The following SPIN1 variants were observed in gnomAD, a reference collection of about 807,000 sequenced individuals.
The protein encoded by SPIN1 is spindlin 1.
SPIN1 carries 3 observed loss-of-function variants against 26.0 expected under a neutral mutation model. That is an observed-to-expected ratio of 0.12 (90% CI 0.05 to 0.30). The LOEUF is 0.30. Among genes scored for constraint, SPIN1 ranks in the 10% least tolerant of loss-of-function variants. The pLI, the probability that SPIN1 is intolerant of heterozygous loss-of-function variation, is 1.00. For synonymous variants in SPIN1, 101 were observed against 116.5 expected, an observed-to-expected ratio of 0.87 and a Z score of 0.86; for missense variants, 126 against 333.4, an observed-to-expected ratio of 0.38 and a Z score of 4.84.
At chr9:88,422,401 A>T (rs569985781) in intron 1 of SPIN1, among the ~76,000 whole-genome samples, 2 of 152,324 alleles carry the variant, frequency 1.3e-5, no homozygotes, top group South Asian at 2.1e-4. Context: ...GTATATCTTT[A>T]AAAAAACCTG....
At chr9:88,456,128 C>T (rs556250606) in intron 3 of SPIN1, among the ~76,000 whole-genome samples, 3 of 152,144 alleles carry the variant, frequency 2.0e-5, no homozygotes, top group South Asian at 2.1e-4. Flanking sequence ...TGTGGACTCA[C>T]GGAACAATGG....
In SPIN1 at chr9:88,463,451, A is replaced by G. The variant is rs576580996; in HGVS notation, c.355+702A>G. On this transcript the variant is annotated intron_variant, in intron 4 of 5. Transcript: ENST00000375859. ...GCTCTTGTTTAAAATATTGGTTTAT[A>G]CTTTTAGAATTGTCTTTATAAGTCT... Among the ~76,000 whole-genome samples the G allele has an allele frequency of 1.1e-3, 173 of 152,322 alleles. 1 individual carries two copies. Among genetic ancestry groups the G allele is most frequent in the African/African-American group, 3.8e-3 (160 of 41,578 alleles).
intron 1 of SPIN1, among the ~76,000 whole-genome samples, chr9:88,405,683 A>T (rs1045083533): frequency 4.0e-5 from 6 of 151,486 alleles, no homozygotes; most frequent in South Asian, 2.1e-4. Context: ...AGCTGGGATT[A>T]CAAGTGTGAG....
Position 88,477,990 on chromosome 9 carries a change from GTTTTC to G in SPIN1, c.*2717_*2721del, listed in dbSNP as rs1828917957. The stretch of plus-strand genomic sequence containing the variant: ...ATGTTAAAGATATTTAGGTTTTTTT[GTTTTC>G]TTTATTTTTATTTGTTTTCAGTTTC... On this transcript the variant is annotated 3_prime_UTR_variant, in exon 6 of 6. Transcript: ENST00000375859. 2.0e-5 allele frequency: 3 copies of G among 151,840 alleles called. No individual in the cohort carries two copies. The highest frequency in any genetic ancestry group is 6.6e-5 in the Admixed American group (1 of 15,232). 9.4% of individuals were successfully genotyped at this position (151,840 alleles called of 1,614,324 possible).
chr9:88,458,636 GA>G (rs1053625003), intron 3 of SPIN1, among the ~76,000 whole-genome samples: 12 of 152,148 alleles, frequency 7.9e-5, no homozygotes, highest in Non-Finnish European at 1.5e-4. Flanking sequence ...TGGTTTTCTT[GA>G]AAATCAAGGG....
chr9:88,415,254 T>C (rs920854077), intron 1 of SPIN1, among the ~76,000 whole-genome samples: 2 of 152,144 alleles, frequency 1.3e-5, no homozygotes, highest in African/African-American at 4.8e-5. Flanking sequence ...CCTTCAGATA[T>C]CTACTTGGTA....
chr9:88,444,895 G>GTTA (rs1828213887), intron 2 of SPIN1, among the ~76,000 whole-genome samples: 1 of 149,404 alleles, frequency 6.7e-6, no homozygotes. Flanking sequence ...GTTTCACTGT[G>GTTA]TTATTAGCCA....
chr9:88,457,386 G>T (rs989764052), intron 3 of SPIN1, among the ~76,000 whole-genome samples: 1 of 151,990 alleles, frequency 6.6e-6, no homozygotes, highest in Admixed American at 6.6e-5. Flanking sequence ...AAAATTAGCC[G>T]GGTGTGGTGG....
At chr9:88,461,148 G>A (rs1195922016) in intron 3 of SPIN1, among the ~76,000 whole-genome samples, 4 of 152,122 alleles carry the variant, frequency 2.6e-5, no homozygotes, top group South Asian at 2.1e-4. Context: ...GAGACCTGCC[G>A]CCCTCATTTC....
chr9:88,446,530 C>G, intron 2 of SPIN1, among the ~76,000 whole-genome samples: 1 of 151,802 alleles, frequency 6.6e-6, no homozygotes, highest in Non-Finnish European at 1.5e-5. Context: ...CCTCAGCCTC[C>G]CGAGTAGCTG....
intron 1 of SPIN1, among the ~76,000 whole-genome samples, chr9:88,398,303 C>T (rs1332574631): frequency 6.6e-6 from 1 of 151,918 alleles, no homozygotes; most frequent in Non-Finnish European, 1.5e-5. Context: ...CCTCTTGGTG[C>T]TTATCAGAAT....
chr9:88,468,299 G>A (rs568619223), intron 4 of SPIN1, 73 bp from the exon 5 acceptor site: 25 of 1,141,970 alleles, frequency 2.2e-5, no homozygotes, highest in Admixed American at 6.2e-5. Context: ...GCCTTCTTTA[G>A]TAAATTCAGT....
chr9:88,391,354 A>G (rs1468196527), intron 1 of SPIN1: 1 of 166,700 alleles, frequency 6.0e-6, no homozygotes, highest in African/African-American at 2.4e-5. Context: ...AAGTACAAGA[A>G]TGACAGTTTA....
At chr9:88,460,372 A>G (rs1828555877) in intron 3 of SPIN1, among the ~76,000 whole-genome samples, 1 of 152,108 alleles carries the variant, frequency 6.6e-6, no homozygotes, top group African/African-American at 2.4e-5. Context: ...TTTGTTTGGT[A>G]GTTCTCACAT....
At chr9:88,441,447 A>G (rs917553502) in intron 2 of SPIN1, among the ~76,000 whole-genome samples, 2 of 104,878 alleles carry the variant, frequency 1.9e-5, no homozygotes, top group African/African-American at 1.4e-4. Context: ...GTGTACATAC[A>G]TTGTTGCTCA....
In SPIN1 at chr9:88,436,858, G is replaced by A. The variant is rs1245089227; in HGVS notation, c.52+10267G>A. On this transcript the variant is annotated intron_variant, in intron 2 of 5. Transcript: ENST00000375859. ...CGGCTCACTGCAAGCTCCGCCTCCCGGGTTCACGCCATTCTCCTGCCTCAG... is the reference window on the plus strand; with the variant it reads ...CGGCTCACTGCAAGCTCCGCCTCCCAGGTTCACGCCATTCTCCTGCCTCAG... Among the ~76,000 whole-genome samples the A allele has an allele frequency of 2.8e-4, 39 of 140,988 alleles. 1 individual carries two copies. The East Asian group carries it at 8.2e-3, about 30-fold the overall frequency. The allele number at this position is 140,988 out of a possible 152,430, so 92.5% of individuals were successfully genotyped here.
chr9:88,464,597 CT>C (rs1463397647), intron 4 of SPIN1, among the ~76,000 whole-genome samples: 5 of 152,178 alleles, frequency 3.3e-5, no homozygotes, highest in African/African-American at 1.2e-4. Context: ...TTCACTCTCT[CT>C]TTTTCTCAAT....
At chr9:88,423,431 GTTTT>G (rs1269543762) in intron 1 of SPIN1, among the ~76,000 whole-genome samples, 1 of 148,642 alleles carries the variant, frequency 6.7e-6, no homozygotes, top group Non-Finnish European at 1.5e-5. Context: ...TGGTTTGTGG[GTTTT>G]TTGTTTGTTT....
chr9:88,453,714 C>G (rs1372892587), intron 3 of SPIN1, among the ~76,000 whole-genome samples: 1 of 152,032 alleles, frequency 6.6e-6, no homozygotes, highest in Non-Finnish European at 1.5e-5. Flanking sequence ...TTGGTAGAGA[C>G]GGGGTTTCTC....
Sources: gnomAD v4.1 joint callset for allele counts (sites outside exome capture counted in the v4.1 genomes callset) on GRCh38, gnomAD v4.1.1 for gene constraint, MANE v1.5 for transcripts, NCBI Gene and HGNC (gene_info 2026-07-23, HGNC 2026-07-21) for gene names.